Variants in PLEKHG3 observed in about 807,000 individuals in gnomAD.
PLEKHG3 encodes pleckstrin homology and RhoGEF domain containing G3.
In PLEKHG3, 62 loss-of-function variants were observed where a neutral mutation model predicts 94.9. That is an observed-to-expected ratio of 0.65 (90% CI 0.53 to 0.81). The LOEUF (loss-of-function observed/expected upper bound fraction) is 0.81, where lower values mean the gene tolerates loss of function less well. Ranked by LOEUF, PLEKHG3 falls within the 30% of genes least tolerant of loss-of-function variation. The pLI is 0.00. For missense variants in PLEKHG3, 1,461 were observed against 1,619.3 expected, an observed-to-expected ratio of 0.90 and a Z score of 1.68; for synonymous variants, 614 against 654.0, an observed-to-expected ratio of 0.94 and a Z score of 0.93.
chr14:64,732,179 A>T lies in PLEKHG3; in HGVS notation c.1210A>T (p.Lys404Ter), dbSNP rs2139384851. The T allele has an allele frequency of 6.2e-7, 1 of 1,612,418 alleles. No homozygotes were observed. Among genetic ancestry groups the T allele is most frequent in the Non-Finnish European group, 8.5e-7 (1 of 1,178,504 alleles). Residue 404 changes from lysine (K) to a stop codon, truncating the protein, a stop_gained and splice_region_variant, in exon 10 of 17, where the codon AAG becomes TAG. Coordinates refer to ENST00000247226, the MANE Select transcript of PLEKHG3 (RefSeq NM_001308147.2). LOFTEE classifies it high-confidence loss of function. This position sits in a 1 kb window ranked among gnomAD's most constrained non-coding sequence, Gnocchi z 4.9. ...GAACCACCATGCCACCATTCCCCAG[A>T]AGGTGAGTTCCCCCAGCTCCTGACT... ...LENHHATIPQKAKEAILEMDS... is the reference protein window; with the variant it reads ...LENHHATIPQ
In PLEKHG3 at chr14:64,749,545, T is replaced by G. The variant is rs1594731304; in HGVS notation, c.*5842T>G. ...CACCTCCCGGGCCAGGCAACAATGG[T>G]GGGGGCTCTTGGGACTGCCCCTTCT... is the stretch of plus-strand genomic sequence containing the variant. On this transcript the variant is annotated 3_prime_UTR_variant, in exon 17 of 17. Transcript: ENST00000247226. This position sits in a 1 kb window ranked among gnomAD's most constrained non-coding sequence, Gnocchi z 4.7. 6.2e-7 allele frequency: 1 copy of G among 1,601,044 alleles called. No homozygotes were observed. The highest frequency in any genetic ancestry group is 8.5e-7 in the Non-Finnish European group (1 of 1,177,988).
chr14:64,735,796 CAGAG>C (rs766206786), intron 12 of PLEKHG3, among the ~76,000 whole-genome samples: 3 of 152,192 alleles, frequency 2.0e-5, no homozygotes, highest in Non-Finnish European at 4.4e-5. Context: ...GCTTCCCACT[CAGAG>C]AGCTGAGATG....
rs1251309115 is a variant in PLEKHG3 at position 64,718,840 on chromosome 14, G to A, written c.-39-8753G>A. Among the ~76,000 whole-genome samples the A allele has an allele frequency of 1.3e-5, 2 of 152,086 alleles. No individual in the cohort carries two copies. The highest frequency in any genetic ancestry group is 2.4e-5 in the African/African-American group (1 of 41,390). ...CCCTGCAGATGGGTTTAAAACCCAC[G>A]GACCAGTGTCAAGGATGGTTTTTGT... is the stretch of plus-strand genomic sequence containing the variant. On this transcript the variant is annotated intron_variant, in intron 1 of 16. Transcript: ENST00000247226. The surrounding 1 kb of genome is among the most constrained non-coding windows in gnomAD (Gnocchi z 5.0).
Position 64,742,049 on chromosome 14 carries a change from G to T in PLEKHG3, c.2532G>T (p.Glu844Asp). 6.2e-7 allele frequency: 1 copy of T among 1,601,928 alleles called. No individual in the cohort carries two copies. The highest frequency in any genetic ancestry group is 8.5e-7 in the Non-Finnish European group (1 of 1,173,236). Residue 844 changes from glutamate to aspartate, a missense_variant, in exon 16 of 17, where the codon GAG becomes GAT. Physicochemically the swap from Glu to Asp is conservative, Grantham distance 45 (BLOSUM62 2). This residue lies in a region of PLEKHG3 where 1,201 missense variants were observed against 1,295.5 expected (regional missense o/e 0.93). Transcript: ENST00000247226. ...AGGCCAATGGCTTTGACCTGCATGA[G>T]CCACTCTTCATCCTGGAGGAGCATG... Reference protein sequence around the residue: ...QGQANGFDLHEPLFILEEHEL... With the variant: ...QGQANGFDLHDPLFILEEHEL...
chr14:64,724,874 C>A (rs1265807499), intron 1 of PLEKHG3, among the ~76,000 whole-genome samples: 1 of 152,158 alleles, frequency 6.6e-6, no homozygotes, highest in East Asian at 1.9e-4. Context: ...GGCCTCAGTA[C>A]CTGCATGTAT....
chr14:64,741,092 G>A lies in PLEKHG3; in HGVS notation c.1575G>A (p.Gly525=), dbSNP rs760026960. ...AAGAGGTATTTTCTGCTGTGGAAGG[G>A]CCCAGTGCCGAGGAGACGCCTTCAG... ...SEQEVFSAVE[G]PSAEETPSDT... Residue 525 remains glycine (G), a synonymous_variant, in exon 16 of 17, where the codon GGG becomes GGA. Coordinates refer to ENST00000247226, the MANE Select transcript of PLEKHG3 (RefSeq NM_001308147.2). 1.2e-6 allele frequency: 2 copies of A among 1,613,096 alleles called. No individual in the cohort carries two copies. Among genetic ancestry groups the A allele is most frequent in the South Asian group, 1.1e-5 (1 of 91,016 alleles).
In PLEKHG3 at chr14:64,737,381, G is replaced by A. The variant is rs1296834692; in HGVS notation, c.1404+6G>A. ...CCCGAGCAGCAGGAATGAAGGTAAA[G>A]GCCAGTGGGAGGAGGGGACTGGCTG... On this transcript the variant is annotated splice_donor_region_variant and intron_variant, in intron 14 of 16. Transcript: ENST00000247226. The A allele has an allele frequency of 6.3e-7, 1 of 1,590,446 alleles. No homozygotes were observed. Among genetic ancestry groups the A allele is most frequent in the Non-Finnish European group, 8.6e-7 (1 of 1,168,246 alleles).
Position 64,731,589 on chromosome 14 carries a change from C to G in PLEKHG3, c.1032+46C>G, listed in dbSNP as rs752772734. ...CTCCTCTGCCATCTTCTCTCCTTCCCAAAGGATCTGGGCTCCCCTTCTTGT... is the reference window on the plus strand; with the variant it reads ...CTCCTCTGCCATCTTCTCTCCTTCCGAAAGGATCTGGGCTCCCCTTCTTGT... On this transcript the variant is annotated intron_variant, in intron 8 of 16. Coordinates refer to ENST00000247226, the MANE Select transcript of PLEKHG3 (RefSeq NM_001308147.2). This position sits in a 1 kb window ranked among gnomAD's most constrained non-coding sequence, Gnocchi z 6.1. 18 of 1,588,082 alleles carry G rather than the reference C, an allele frequency of 1.1e-5. No individual in the cohort carries two copies. In the East Asian group the frequency reaches 3.8e-4, roughly 34 times the overall value.
rs1239837630 is a variant in PLEKHG3, at chr14:64,717,596, G to C, written c.-39-9997G>C. On this transcript the variant is annotated intron_variant, in intron 1 of 16. Coordinates refer to ENST00000247226, the MANE Select transcript of PLEKHG3 (RefSeq NM_001308147.2). The surrounding 1 kb of genome is among the most constrained non-coding windows in gnomAD (Gnocchi z 4.7). ...TTTCTAGGGTAGGTGTTCTCTTCCT[G>C]CTCCTAGAGGCAGTTAATTTAAATG... is the stretch of plus-strand genomic sequence containing the variant. Among the ~76,000 whole-genome samples the C allele has an allele frequency of 6.6e-6, 1 of 152,180 alleles. No individual in the cohort carries two copies. Among genetic ancestry groups the C allele is most frequent in the African/African-American group, 2.4e-5 (1 of 41,436 alleles).
rs955640550 is a variant in PLEKHG3 at position 64,715,226 on chromosome 14, C to T, written c.-40+10522C>T. Among the ~76,000 whole-genome samples the T allele has an allele frequency of 5.9e-5, 9 of 152,088 alleles. No individual in the cohort carries two copies. Among genetic ancestry groups the T allele is most frequent in the African/African-American group, 2.2e-4 (9 of 41,406 alleles). On this transcript the variant is annotated intron_variant, in intron 1 of 16. Coordinates refer to ENST00000247226, the MANE Select transcript of PLEKHG3 (RefSeq NM_001308147.2). The surrounding 1 kb of genome is among the most constrained non-coding windows in gnomAD (Gnocchi z 4.4). ...CAAAAAGTGTTACTTGTAAAAAAAG[C>T]AAAAAGTGCATGAGAGCATTCCTAT... is the stretch of plus-strand genomic sequence containing the variant.
At chr14:64,709,738 T>C in intron 1 of PLEKHG3, among the ~76,000 whole-genome samples, 1 of 147,962 alleles carries the variant, frequency 6.8e-6, no homozygotes, top group Admixed American at 6.6e-5. Context: ...ACTGTGTGTG[T>C]GTGTGTGTGT....
At position 64,741,149 on chromosome 14, in the gene PLEKHG3, G is replaced by A. The variant is rs746682207; in HGVS notation, c.1632G>A (p.Gln544=). The change falls in exon 16 of 17, where the codon CAG becomes CAA. Residue 544 remains glutamine, a synonymous_variant. Coordinates refer to ENST00000247226, the MANE Select transcript of PLEKHG3 (RefSeq NM_001308147.2). The stretch of plus-strand genomic sequence containing the variant: ...AATCTCCAGAAGTCCTGGAGACACA[G>A]CTTGATGCCCACCAGGGCCTTCTGG... ...DTESPEVLET[Q]LDAHQGLLGM... 6.2e-7 allele frequency: 1 copy of A among 1,614,144 alleles called. No individual in the cohort carries two copies. Among genetic ancestry groups the A allele is most frequent in the South Asian group, 1.1e-5 (1 of 91,086 alleles).
At chr14:64,709,796 T>C (rs145359265) in intron 1 of PLEKHG3, among the ~76,000 whole-genome samples, 2 of 152,058 alleles carry the variant, frequency 1.3e-5, no homozygotes, top group East Asian at 1.9e-4. Context: ...TATTCTCATA[T>C]AGCTTCTATT....
In PLEKHG3 at chr14:64,741,658, G is replaced by T. The variant is rs763996763; in HGVS notation, c.2141G>T (p.Arg714Leu). The change falls in exon 16 of 17, where the codon CGG becomes CTG. Residue 714 changes from arginine (R) to leucine (L), a missense_variant. This residue lies in a region of PLEKHG3 where 1,201 missense variants were observed against 1,295.5 expected (regional missense o/e 0.93). Transcript: ENST00000247226. The stretch of plus-strand genomic sequence containing the variant: ...GAATCAGCACTCTCCACCCGAGACC[G>T]GCTGTTGCTAGACAAGATTAAGAGC... The part of the protein sequence containing the change: ...KKESALSTRD[R>L]LLLDKIKSYY... The T allele has an allele frequency of 6.2e-7, 1 of 1,612,990 alleles. No homozygotes were observed. The highest frequency in any genetic ancestry group is 8.5e-7 in the Non-Finnish European group (1 of 1,180,050).
Position 64,745,558 on chromosome 14 carries a change from C to G in PLEKHG3, c.*1855C>G, listed in dbSNP as rs189811274. 1.3e-5 allele frequency: 2 copies of G among 152,442 alleles called. No homozygotes were observed. Among genetic ancestry groups the G allele is most frequent in the Admixed American group, 1.3e-4 (2 of 15,288 alleles). The allele number at this position is 152,442 out of a possible 1,614,324, so 9.4% of individuals were successfully genotyped here. A position where few individuals can be genotyped will look rare whatever the true frequency, so the allele number is the denominator to read the frequency against. ...TCACTGCAACCTCCGCCTCCCTGACCCTCACACTGTCCAGTGCCCTTGTGG... is the reference window on the plus strand; with the variant it reads ...TCACTGCAACCTCCGCCTCCCTGACGCTCACACTGTCCAGTGCCCTTGTGG... On this transcript the variant is annotated 3_prime_UTR_variant, in exon 17 of 17. Transcript: ENST00000247226. The surrounding 1 kb of genome is among the most constrained non-coding windows in gnomAD (Gnocchi z 5.0).
chr14:64,715,720 A>C lies in PLEKHG3; in HGVS notation c.-40+11016A>C, dbSNP rs1439881042. On this transcript the variant is annotated intron_variant, in intron 1 of 16. Coordinates refer to ENST00000247226, the MANE Select transcript of PLEKHG3 (RefSeq NM_001308147.2). The surrounding 1 kb of genome is among the most constrained non-coding windows in gnomAD (Gnocchi z 4.4). ...CTGCAGTTAGTATCCCCTGTGCTTA[A>C]TTGCTGGAGGTTTGTGCAGGTCCTC... The C allele has an allele frequency of 3.6e-6, 1 of 278,548 alleles. No homozygotes were observed. The highest frequency in any genetic ancestry group is 1.4e-4 in the East Asian group (1 of 7,278). The allele number at this position is 278,548 out of a possible 1,614,324, so 17.3% of individuals were successfully genotyped here. A position where few individuals can be genotyped will look rare whatever the true frequency, so the allele number is the denominator to read the frequency against.
chr14:64,705,645 A>G (rs769129705), intron 1 of PLEKHG3, among the ~76,000 whole-genome samples: 34 of 152,206 alleles, frequency 2.2e-4, no homozygotes, highest in Non-Finnish European at 4.0e-4. Context: ...CACGCAGCCC[A>G]GTCACATGGC....
intron 1 of PLEKHG3, among the ~76,000 whole-genome samples, chr14:64,705,237 C>T (rs376966119): frequency 7.0e-4 from 106 of 152,334 alleles, no homozygotes; most frequent in African/African-American, 2.4e-3. Context: ...GCGGAAAGCC[C>T]GGCCACCAGC....
At position 64,747,134 on chromosome 14, in the gene PLEKHG3, T is replaced by G. The variant is rs229647; in HGVS notation, c.*3431T>G. The G allele has an allele frequency of 6.6e-6, 1 of 152,550 alleles. No individual in the cohort carries two copies. The highest frequency in any genetic ancestry group is 2.4e-5 in the African/African-American group (1 of 41,452). The allele number at this position is 152,550 out of a possible 1,614,324, so 9.4% of individuals were successfully genotyped here. ...CTAGCTCTTCCACTAGAGCCCTTCC[T>G]TTCTCGGGTCTGTGGAGTTGCTTGC... On this transcript the variant is annotated 3_prime_UTR_variant, in exon 17 of 17. Coordinates refer to ENST00000247226, the MANE Select transcript of PLEKHG3 (RefSeq NM_001308147.2).
Sources: allele counts gnomAD v4.1 joint callset (sites outside exome capture counted in the v4.1 genomes callset), GRCh38; gene constraint gnomAD v4.1.1; regional missense constraint gnomAD v4.1.1; non-coding constraint Gnocchi (gnomAD v3.1); transcripts MANE v1.5; gene names NCBI Gene and HGNC (gene_info 2026-07-23, HGNC 2026-07-21).